KCNIP4: variants seen among roughly 807,000 people sequenced by gnomAD.
KCNIP4 encodes the protein Kv channel-interacting protein 4.
A neutral mutation model predicts 34.0 loss-of-function variants in KCNIP4; 12 were observed. That is an observed-to-expected ratio of 0.35 (90% CI 0.23 to 0.57). The LOEUF is 0.57. KCNIP4 is among the 20% of genes least tolerant of loss of function. KCNIP4 has a pLI of 0.83. For missense variants in KCNIP4, 238 were observed against 311.7 expected (o/e 0.76, Z 1.78); for synonymous variants, 124 against 102.2 (o/e 1.21, Z -1.29).
At chr4:21,430,618 G>T (rs1201441022) in intron 1 of KCNIP4, among the ~76,000 whole-genome samples, 1 of 152,066 alleles carries the variant, frequency 6.6e-6, no homozygotes, top group Non-Finnish European at 1.5e-5. Context: ...TTTATGAAGG[G>T]TTTAGGGTAT....
At chr4:20,964,130 C>T (rs1257364531) in intron 1 of KCNIP4, among the ~76,000 whole-genome samples, 1 of 152,096 alleles carries the variant, frequency 6.6e-6, no homozygotes, top group Non-Finnish European at 1.5e-5. Flanking sequence ...CTTATTTATA[C>T]ATGTGAGGTC....
At chr4:21,947,103 C>T (rs1730552196) in intron 1 of KCNIP4, among the ~76,000 whole-genome samples, 3 of 152,114 alleles carry the variant, frequency 2.0e-5, no homozygotes, top group African/African-American at 7.2e-5. Context: ...CCTGGGCTGC[C>T]GTGTGTGAAT....
intron 1 of KCNIP4, among the ~76,000 whole-genome samples, chr4:21,854,256 A>G (rs1490451218): frequency 6.6e-6 from 1 of 152,158 alleles, no homozygotes; most frequent in African/African-American, 2.4e-5. Context: ...AAAAATTAAC[A>G]ATCTGTTTAC....
chr4:21,764,642 T>C (rs1718285051), intron 1 of KCNIP4, among the ~76,000 whole-genome samples: 1 of 152,072 alleles, frequency 6.6e-6, no homozygotes, highest in Admixed American at 6.6e-5. Flanking sequence ...TGCTCTTTAA[T>C]ACTGGACTTT....
chr4:21,283,241 G>T (rs896197696), intron 1 of KCNIP4, among the ~76,000 whole-genome samples: 3 of 152,000 alleles, frequency 2.0e-5, no homozygotes, highest in African/African-American at 4.8e-5. Context: ...TCCTAAAATT[G>T]GTTAGATATC....
intron 1 of KCNIP4, among the ~76,000 whole-genome samples, chr4:21,891,322 T>C (rs953346175): frequency 6.6e-6 from 1 of 152,222 alleles, no homozygotes; most frequent in African/African-American, 2.4e-5. Context: ...GCTCCTTGGA[T>C]CAACAACCTG....
At chr4:21,754,149 C>T (rs1457822768) in intron 1 of KCNIP4, among the ~76,000 whole-genome samples, 1 of 152,178 alleles carries the variant, frequency 6.6e-6, no homozygotes, top group Non-Finnish European at 1.5e-5. Context: ...ATTTGGTTTT[C>T]TGTGTCGTTT....
intron 1 of KCNIP4, among the ~76,000 whole-genome samples, chr4:20,907,680 G>GT (rs1727904390): frequency 6.6e-6 from 1 of 152,194 alleles, no homozygotes; most frequent in Non-Finnish European, 1.5e-5. Flanking sequence ...ATTTACTTTG[G>GT]TTTTTTGATT....
chr4:20,772,088 A>G (rs1755939638), intron 3 of KCNIP4, among the ~76,000 whole-genome samples: 1 of 152,202 alleles, frequency 6.6e-6, no homozygotes, highest in Admixed American at 6.5e-5. Context: ...TTTACCACAC[A>G]ATGTTTAAGA....
At chr4:21,504,483 G>A (rs866057422) in intron 1 of KCNIP4, among the ~76,000 whole-genome samples, 2,182 of 82,770 alleles carry the variant, frequency 0.026, 96 homozygotes, top group African/African-American at 0.12. Context: ...AAAAAAGAAA[G>A]AAAGAAAGAA....
At position 21,488,533 on chromosome 4, in the gene KCNIP4, T is replaced by TA. The variant is rs925773528; in HGVS notation, c.61+460037dup. Among the ~76,000 whole-genome samples, 104 of 151,936 alleles carry TA rather than the reference T, an allele frequency of 6.8e-4. 1 individual carries two copies. The highest frequency in any genetic ancestry group is 2.1e-3 in the South Asian group (10 of 4,794). ...CAAAATTAAAGAATATGCATATGGC[T>TA]AAAAAAAACCTCTATATTAAGCCAG... On this transcript the variant is annotated intron_variant, in intron 1 of 8. Transcript: ENST00000382152.
At chr4:20,899,448 G>A (rs1283457557) in intron 1 of KCNIP4, among the ~76,000 whole-genome samples, 1 of 152,058 alleles carries the variant, frequency 6.6e-6, no homozygotes, top group Non-Finnish European at 1.5e-5. Context: ...GCAGCTGAGG[G>A]GTTATGTCCT....
rs79871979 is a variant in KCNIP4 at position 21,377,435 on chromosome 4, C to T, written c.62-494726G>A. Among the ~76,000 whole-genome samples the T allele has an allele frequency of 4.4e-3, 671 of 152,290 alleles. 6 individuals are homozygous for T. The highest frequency in any genetic ancestry group is 0.015 in the African/African-American group (633 of 41,560). ...ACTACAATGAATCATGAAAGACACT[C>T]CTTGCTTTCTAGCTCATTTAGTGAT... On this transcript the variant is annotated intron_variant, in intron 1 of 8. Transcript: ENST00000382152.
At chr4:21,483,470 TAG>T (rs35292191) in intron 1 of KCNIP4, among the ~76,000 whole-genome samples, 18,960 of 151,942 alleles carry the variant, frequency 0.12, 1,344 homozygotes, top group South Asian at 0.21. Flanking sequence ...GTTCTCACGA[TAG>T]AGTTCTCATG....
intron 1 of KCNIP4, among the ~76,000 whole-genome samples, chr4:21,193,722 C>T (rs1461985658): frequency 1.3e-5 from 2 of 152,020 alleles, no homozygotes; most frequent in African/African-American, 4.8e-5. Context: ...CAGGCGCCAG[C>T]CACCACGCCC....
chr4:21,575,859 T>C (rs1433128849), intron 1 of KCNIP4, among the ~76,000 whole-genome samples: 1 of 152,202 alleles, frequency 6.6e-6, no homozygotes, highest in Non-Finnish European at 1.5e-5. Flanking sequence ...AACAGTCACA[T>C]ACAAATCTGC....
At chr4:21,868,360 G>A (rs1725556803) in intron 1 of KCNIP4, among the ~76,000 whole-genome samples, 1 of 152,110 alleles carries the variant, frequency 6.6e-6, no homozygotes, top group Non-Finnish European at 1.5e-5. Context: ...CCATAAATAT[G>A]TACAACTTTT....
intron 1 of KCNIP4, among the ~76,000 whole-genome samples, chr4:21,543,565 G>C (rs980402488): frequency 6.6e-6 from 1 of 151,976 alleles, no homozygotes; most frequent in Non-Finnish European, 1.5e-5. Context: ...TATGTTGTTT[G>C]CTTTGTTGTA....
chr4:21,481,524 C>A (rs1731427036), intron 1 of KCNIP4, among the ~76,000 whole-genome samples: 1 of 152,102 alleles, frequency 6.6e-6, no homozygotes, highest in Admixed American at 6.6e-5. Context: ...TTTATCTTAT[C>A]CATGTCTAAC....
Sources: allele counts gnomAD v4.1 joint callset (sites outside exome capture counted in the v4.1 genomes callset), GRCh38; gene constraint gnomAD v4.1.1; transcripts MANE v1.5; gene names NCBI Gene and HGNC (gene_info 2026-07-23, HGNC 2026-07-21).